The following CCSER1 variants were observed in gnomAD, a reference collection of about 807,000 sequenced individuals.
CCSER1 encodes the protein serine-rich coiled-coil domain-containing protein 1.
Under a neutral mutation model 82.0 loss-of-function variants are expected in CCSER1, and 41 were observed. The observed-to-expected ratio is 0.50, with a 90% CI of 0.39 to 0.65. The LOEUF (loss-of-function observed/expected upper bound fraction) is 0.65, where lower values mean the gene tolerates loss of function less well. CCSER1 is among the 30% of genes least tolerant of loss of function. The probability of loss-of-function intolerance (pLI) is 0.00; values close to 1 mark genes in which losing one functional copy is unlikely to be tolerated. For synonymous variants in CCSER1, 414 were observed against 383.9 expected, an observed-to-expected ratio of 1.08 and a Z score of -0.92; for missense variants, 1,119 against 1,064.2, an observed-to-expected ratio of 1.05 and a Z score of -0.72.
intron 3 of CCSER1, among the ~76,000 whole-genome samples, chr4:90,319,959 T>G (rs188864928): frequency 1.6e-3 from 237 of 152,322 alleles, no homozygotes; most frequent in African/African-American, 5.5e-3. Context: ...GAAATTACAT[T>G]TGTTGATAAC....
rs1272217555 is a variant in CCSER1 at position 91,376,783 on chromosome 4, G to A, written c.2218-221789G>A. Among the ~76,000 whole-genome samples the A allele has an allele frequency of 9.9e-5, 15 of 152,198 alleles. No homozygotes were observed. The South Asian group carries it at 3.1e-3, about 32-fold the overall frequency. ...GTAGTTTTTTATTACTATACTTTAA[G>A]TTCTAGGGTACATGTGCACAATGTG... On this transcript the variant is annotated intron_variant, in intron 10 of 10. Coordinates refer to ENST00000509176, the MANE Select transcript of CCSER1 (RefSeq NM_001145065.2).
chr4:91,065,064 T>G (rs1260377706), intron 9 of CCSER1, among the ~76,000 whole-genome samples: 1 of 151,854 alleles, frequency 6.6e-6, no homozygotes, highest in Non-Finnish European at 1.5e-5. Context: ...GTTCCATCAG[T>G]ATACTACAAA....
chr4:91,032,009 T>C (rs1437776362), intron 9 of CCSER1, among the ~76,000 whole-genome samples: 2 of 152,098 alleles, frequency 1.3e-5, no homozygotes, highest in African/African-American at 4.8e-5. Context: ...TTAAAAGCTA[T>C]TTTGTCACTT....
intron 7 of CCSER1, among the ~76,000 whole-genome samples, chr4:90,774,615 T>C (rs898935030): frequency 6.6e-6 from 1 of 152,142 alleles, no homozygotes; most frequent in East Asian, 1.9e-4. Context: ...GATAAATCCC[T>C]TTTTGCTAGA....
At chr4:91,126,934 AT>A (rs577493801) in intron 10 of CCSER1, among the ~76,000 whole-genome samples, 26 of 150,314 alleles carry the variant, frequency 1.7e-4, no homozygotes, top group Admixed American at 7.3e-4. Context: ...GTTTTTCAGG[AT>A]TTTTTTTTTC....
At chr4:90,905,023 T>C (rs1401547839) in intron 8 of CCSER1, among the ~76,000 whole-genome samples, 1 of 152,138 alleles carries the variant, frequency 6.6e-6, no homozygotes, top group Non-Finnish European at 1.5e-5. Context: ...AGTTGTTCTT[T>C]ACTGTTCCCT....
chr4:90,245,224 G>C (rs181279382), intron 1 of CCSER1, among the ~76,000 whole-genome samples: 105 of 152,180 alleles, frequency 6.9e-4, no homozygotes, highest in East Asian at 3.5e-3. Flanking sequence ...CATCATGAAA[G>C]GCCTACTTGT....
intron 1 of CCSER1, among the ~76,000 whole-genome samples, chr4:90,187,701 T>C (rs1029695477): frequency 2.0e-5 from 3 of 151,970 alleles, no homozygotes; most frequent in African/African-American, 7.2e-5. Context: ...CCTCTTATTC[T>C]GTCTCACTTT....
At chr4:90,658,607 C>A (rs949648840) in intron 6 of CCSER1, among the ~76,000 whole-genome samples, 1 of 152,104 alleles carries the variant, frequency 6.6e-6, no homozygotes, top group African/African-American at 2.4e-5. Context: ...GTTACATTTG[C>A]CTTTGTGGGT....
intron 10 of CCSER1, among the ~76,000 whole-genome samples, chr4:91,425,181 G>T (rs1560660720): frequency 6.6e-6 from 1 of 152,086 alleles, no homozygotes; most frequent in African/African-American, 2.4e-5. Flanking sequence ...AGAGAAAGAA[G>T]ATAATTGACA....
chr4:90,869,644 TC>T (rs1725012582), intron 8 of CCSER1, among the ~76,000 whole-genome samples: 1 of 151,966 alleles, frequency 6.6e-6, no homozygotes, highest in Admixed American at 6.6e-5. Context: ...ATGTGATTCC[TC>T]CAGTTTTGCT....
At chr4:91,218,011 G>A (rs1215757429) in intron 10 of CCSER1, among the ~76,000 whole-genome samples, 1 of 152,214 alleles carries the variant, frequency 6.6e-6, no homozygotes, top group Non-Finnish European at 1.5e-5. Flanking sequence ...TGGGCGCCGT[G>A]GAGCAGGGGG....
At chr4:91,155,546 A>AT (rs1250613647) in intron 10 of CCSER1, among the ~76,000 whole-genome samples, 2 of 151,974 alleles carry the variant, frequency 1.3e-5, no homozygotes, top group Non-Finnish European at 2.9e-5. Flanking sequence ...ATAAAATACA[A>AT]TTTGGGAGTC....
intron 5 of CCSER1, among the ~76,000 whole-genome samples, chr4:90,541,043 G>C (rs2036152): frequency 6.6e-6 from 1 of 151,718 alleles, no homozygotes; most frequent in African/African-American, 2.4e-5. Context: ...GATTCATTAG[G>C]TAAGAAAATT....
intron 10 of CCSER1, among the ~76,000 whole-genome samples, chr4:91,218,024 G>A (rs566224307): frequency 6.6e-6 from 1 of 152,328 alleles, no homozygotes; most frequent in South Asian, 2.1e-4. Flanking sequence ...GCAGGGGGTG[G>A]TGCTTGTCGG....
In CCSER1 at chr4:90,473,804, T is replaced by A. The variant is rs547420066; in HGVS notation, c.1724+5450T>A. ...ATCAAAGAATAATATTACTAGCTGA[T>A]CTCCAATTTTCCTTTAACAATCTTC... On this transcript the variant is annotated intron_variant, in intron 5 of 10. Coordinates refer to ENST00000509176, the MANE Select transcript of CCSER1 (RefSeq NM_001145065.2). Among the ~76,000 whole-genome samples, 22 of 152,324 alleles carry A rather than the reference T, an allele frequency of 1.4e-4. No individual in the cohort carries two copies. In the South Asian group the frequency reaches 4.3e-3, roughly 30 times the overall value.
intron 7 of CCSER1, among the ~76,000 whole-genome samples, chr4:90,750,804 G>A (rs1748495937): frequency 6.6e-6 from 1 of 151,958 alleles, no homozygotes. Context: ...TTGTAGAAAG[G>A]ACCAAATTGC....
intron 1 of CCSER1, among the ~76,000 whole-genome samples, chr4:90,174,657 A>C (rs1271823405): frequency 6.6e-6 from 1 of 151,966 alleles, no homozygotes; most frequent in Non-Finnish European, 1.5e-5. Flanking sequence ...AAGAATGCTG[A>C]CATGTGCAGA....
At chr4:90,433,081 T>C (rs1420190960) in intron 4 of CCSER1, among the ~76,000 whole-genome samples, 2 of 152,092 alleles carry the variant, frequency 1.3e-5, no homozygotes, top group Non-Finnish European at 2.9e-5. Flanking sequence ...ATCCCATAAA[T>C]TTCCCCTGCA....
Sources: gnomAD v4.1 joint callset for allele counts (sites outside exome capture counted in the v4.1 genomes callset) on GRCh38, gnomAD v4.1.1 for gene constraint, MANE v1.5 for transcripts, NCBI Gene and HGNC (gene_info 2026-07-23, HGNC 2026-07-21) for gene names.